The following CTNNA2 variants were observed in gnomAD, a reference collection of about 807,000 sequenced individuals.
CTNNA2 encodes the protein catenin alpha 2, also known as catenin alpha-2.
Under a neutral mutation model 101.0 loss-of-function variants are expected in CTNNA2, and 42 were observed. That is an observed-to-expected ratio of 0.42 (90% CI 0.32 to 0.54). The LOEUF (loss-of-function observed/expected upper bound fraction) is 0.54. Ranked by LOEUF, CTNNA2 falls within the 20% of genes least tolerant of loss-of-function variation. The probability of loss-of-function intolerance (pLI) is 0.14; values close to 1 mark genes in which losing one functional copy is unlikely to be tolerated. For missense variants in CTNNA2, 871 were observed against 1,223.1 expected (o/e 0.71, Z 4.29); for synonymous variants, 450 against 456.4 (o/e 0.99, Z 0.18).
intron 2 of CTNNA2, among the ~76,000 whole-genome samples, chr2:79,705,528 GTA>G: frequency 6.6e-6 from 1 of 152,004 alleles, no homozygotes; most frequent in East Asian, 2.0e-4. Flanking sequence ...ACATATGTAT[GTA>G]TAAACTCAGG....
intron 4 of CTNNA2, among the ~76,000 whole-genome samples, chr2:79,501,965 C>CTTTT (rs59130555): frequency 1.6e-5 from 2 of 128,786 alleles, no homozygotes; most frequent in Non-Finnish European, 1.7e-5. Context: ...GGATATTAGT[C>CTTTT]TTTTTTTTTT....
intron 7 of CTNNA2, among the ~76,000 whole-genome samples, chr2:80,091,299 T>G (rs1699775471): frequency 6.6e-6 from 1 of 152,068 alleles, no homozygotes; most frequent in African/African-American, 2.4e-5. Context: ...TAGCCTTCTT[T>G]GAAGGTTTAA....
chr2:79,569,220 G>T (rs1295497656), intron 1 of CTNNA2, among the ~76,000 whole-genome samples: 1 of 152,168 alleles, frequency 6.6e-6, no homozygotes, highest in African/African-American at 2.4e-5. Context: ...CGTGACAGGT[G>T]AATGCACAGT....
chr2:79,526,888 A>G (rs1470740990), intron 1 of CTNNA2, among the ~76,000 whole-genome samples: 1 of 152,192 alleles, frequency 6.6e-6, no homozygotes, highest in Non-Finnish European at 1.5e-5. Context: ...AACTCTTGGA[A>G]GAAAACATAG....
intron 9 of CTNNA2, among the ~76,000 whole-genome samples, chr2:80,426,378 C>T (rs192756067): frequency 4.6e-5 from 7 of 152,186 alleles, no homozygotes; most frequent in Admixed American, 1.3e-4. Context: ...CTATTTTGGG[C>T]CTCTGAACTT....
rs11893305 is a variant in CTNNA2, at chr2:80,350,235, A to G, written c.1057-42976A>G. ...GAAAGTTTGGAATCCTTGGCCCTGA[A>G]CACTAAATGCCCATAGTGCCAACTG... On this transcript the variant is annotated intron_variant, in intron 7 of 18. Transcript: ENST00000402739. Among the ~76,000 whole-genome samples the G allele has an allele frequency of 2.0e-3, 298 of 152,076 alleles. 1 individual carries two copies. Among genetic ancestry groups the G allele is most frequent in the African/African-American group, 7.0e-3 (290 of 41,478 alleles).
chr2:79,904,728 G>T (rs747049511), intron 6 of CTNNA2, among the ~76,000 whole-genome samples: 6 of 152,146 alleles, frequency 3.9e-5, no homozygotes, highest in Admixed American at 2.0e-4. Context: ...CCAAATACTT[G>T]CTTTGATGGA....
upstream of CTNNA2, among the ~76,000 whole-genome samples, chr2:79,508,654 A>G (rs978538183): frequency 3.3e-5 from 5 of 152,118 alleles, no homozygotes; most frequent in African/African-American, 1.2e-4. Context: ...AATTAAAGCA[A>G]GTATACAGCT....
chr2:80,600,353 G>T (rs1331763402), intron 15 of CTNNA2, among the ~76,000 whole-genome samples: 1 of 151,798 alleles, frequency 6.6e-6, no homozygotes, highest in Admixed American at 6.6e-5. Context: ...TGTAAATGAT[G>T]AATACATTTG....
At chr2:79,667,963 G>T (rs866736643) in intron 2 of CTNNA2, among the ~76,000 whole-genome samples, 2 of 151,062 alleles carry the variant, frequency 1.3e-5, no homozygotes, top group Non-Finnish European at 2.9e-5. Flanking sequence ...ACTTGAGGCC[G>T]GGCGCGGTGG....
At chr2:80,563,569 T>C (rs1573283749) in intron 12 of CTNNA2, among the ~76,000 whole-genome samples, 1 of 152,214 alleles carries the variant, frequency 6.6e-6, no homozygotes, top group East Asian at 1.9e-4. Context: ...TAGAGACAGG[T>C]CTTGCTATAC....
intron 18 of CTNNA2, among the ~76,000 whole-genome samples, chr2:80,628,362 A>T (rs1442394431): frequency 1.3e-5 from 2 of 152,090 alleles, no homozygotes; most frequent in Non-Finnish European, 2.9e-5. Context: ...CTGACTTCAA[A>T]CTACTACAAG....
intron 7 of CTNNA2, among the ~76,000 whole-genome samples, chr2:80,152,319 T>C (rs76953383): frequency 2.0e-5 from 3 of 148,084 alleles, no homozygotes; most frequent in African/African-American, 7.4e-5. Context: ...CACTTGATGT[T>C]TTTTTTTTTT....
chr2:80,336,789 G>T (rs548901075), intron 7 of CTNNA2, among the ~76,000 whole-genome samples: 2 of 152,178 alleles, frequency 1.3e-5, no homozygotes, highest in Non-Finnish European at 2.9e-5. Flanking sequence ...AGCAGGTTCC[G>T]TAAGGTGCTC....
intron 2 of CTNNA2, among the ~76,000 whole-genome samples, chr2:79,703,497 A>G (rs1452988715): frequency 1.3e-5 from 2 of 152,330 alleles, no homozygotes; most frequent in East Asian, 3.9e-4. Flanking sequence ...ATAGAGAGAA[A>G]GTTAATGTGG....
chr2:79,621,565 C>T (rs1244209074), intron 1 of CTNNA2, among the ~76,000 whole-genome samples: 3 of 151,966 alleles, frequency 2.0e-5, no homozygotes, highest in East Asian at 1.9e-4. Context: ...AAATAAACAT[C>T]GTAAGTCCAT....
At chr2:79,272,303 T>G (rs1340975481) in intron 2 of CTNNA2, among the ~76,000 whole-genome samples, 1 of 152,028 alleles carries the variant, frequency 6.6e-6, no homozygotes, top group Non-Finnish European at 1.5e-5. Flanking sequence ...TGAAAATTCT[T>G]GATGATTCCC....
chr2:79,975,994 C>T (rs1448849282), intron 7 of CTNNA2, among the ~76,000 whole-genome samples: 2 of 152,170 alleles, frequency 1.3e-5, no homozygotes, highest in Non-Finnish European at 2.9e-5. Flanking sequence ...TCCCAATCCT[C>T]TAATCATGCC....
chr2:80,585,561 C>T lies in CTNNA2; in HGVS notation c.2007+3742C>T, dbSNP rs565244698. 1.1e-4 allele frequency among the ~76,000 whole-genome samples: 17 copies of T among 152,174 alleles called. No homozygotes were observed. In the South Asian group the frequency reaches 3.3e-3, roughly 30 times the overall value. On this transcript the variant is annotated intron_variant, in intron 14 of 18. Coordinates refer to ENST00000402739, the MANE Select transcript of CTNNA2 (RefSeq NM_001282597.3). ...TCTTGGCCATGAAGATAATTTTTCT[C>T]ATGTTCCCTTAGTTTGAGGGAATGA...
Sources: allele counts gnomAD v4.1 joint callset (sites outside exome capture counted in the v4.1 genomes callset), GRCh38; gene constraint gnomAD v4.1.1; transcripts MANE v1.5; gene names NCBI Gene and HGNC (gene_info 2026-07-23, HGNC 2026-07-21).